Variants in ATXN2 observed in about 807,000 individuals in gnomAD.
The protein encoded by ATXN2 is ataxin 2, also known as ataxin-2.
ATXN2 carries 37 observed loss-of-function variants against 138.6 expected under a neutral mutation model. The ratio of observed to expected loss-of-function variants is 0.27; its 90% CI spans 0.21 to 0.35. ATXN2 has a LOEUF of 0.35. Among genes scored for constraint, ATXN2 ranks in the 10% least tolerant of loss-of-function variants. The pLI is 1.00. For missense variants in ATXN2, 1,216 were observed against 1,480.3 expected (o/e 0.82, Z 2.93); for synonymous variants, 549 against 543.7 (o/e 1.01, Z -0.13).
chr12:111,463,572 C>T (rs892655170), intron 21 of ATXN2, among the ~76,000 whole-genome samples: 3 of 151,918 alleles, frequency 2.0e-5, no homozygotes, highest in African/African-American at 7.2e-5. Flanking sequence ...CCACCACGTC[C>T]GGCCCTTATT....
At chr12:111,540,965 G>A (rs1246538068) in intron 5 of ATXN2, among the ~76,000 whole-genome samples, 1 of 150,272 alleles carries the variant, frequency 6.7e-6, no homozygotes, top group South Asian at 2.1e-4. Context: ...CCAAAGTGCT[G>A]GGATTACAAG....
chr12:111,504,406 C>T (rs116870920), intron 14 of ATXN2, among the ~76,000 whole-genome samples: 2 of 152,170 alleles, frequency 1.3e-5, no homozygotes, highest in Non-Finnish European at 2.9e-5. Context: ...CCTGCCTCAG[C>T]CACTACAGTA....
chr12:111,589,695 G>GC (rs1884549017), intron 1 of ATXN2, among the ~76,000 whole-genome samples: 1 of 151,050 alleles, frequency 6.6e-6, no homozygotes, highest in African/African-American at 2.4e-5. Flanking sequence ...TCATTTGAAC[G>GC]CAAGAGGCAG....
At chr12:111,467,495 T>C (rs1489095954) in intron 20 of ATXN2, among the ~76,000 whole-genome samples, 3 of 151,882 alleles carry the variant, frequency 2.0e-5, no homozygotes, top group Non-Finnish European at 4.4e-5. Flanking sequence ...ACAAAGGGAA[T>C]CTTGATTAAC....
rs1875181716 is a variant in ATXN2 at position 111,457,291 on chromosome 12, G to T, written c.2965C>A (p.Pro989Thr). The T allele has an allele frequency of 6.2e-7, 1 of 1,614,016 alleles. No individual in the cohort carries two copies. The highest frequency in any genetic ancestry group is 8.5e-7 in the Non-Finnish European group (1 of 1,180,026). ...CCAGTGGGGGTAGCTGAAGGCTGAGGGTGTGGAGTATGTGGGTGCAGGGTA... is the reference window on the plus strand; with the variant it reads ...CCAGTGGGGGTAGCTGAAGGCTGAGTGTGTGGAGTATGTGGGTGCAGGGTA... ...NATLHPHTPH[P>T]QPSATPTGQQ... The change falls in exon 22 of 25, where the codon CCT becomes ACT. Residue 989 changes from proline to threonine, a missense_variant. This residue lies in a region of ATXN2 where 490 missense variants were observed against 653.5 expected (regional missense o/e 0.75). Coordinates refer to ENST00000673436, the MANE Select transcript of ATXN2 (RefSeq NM_001372574.1).
chr12:111,461,630 A>G (rs1429594721), intron 21 of ATXN2, among the ~76,000 whole-genome samples: 1 of 152,086 alleles, frequency 6.6e-6, no homozygotes, highest in Non-Finnish European at 1.5e-5. Context: ...AAGAAAATTT[A>G]AAAGCCAAGG....
intron 14 of ATXN2, among the ~76,000 whole-genome samples, chr12:111,493,183 C>A (rs764773927): frequency 6.6e-6 from 1 of 152,040 alleles, no homozygotes; most frequent in Non-Finnish European, 1.5e-5. Context: ...CTTTAGGATG[C>A]CAAGGCGGGC....
intron 5 of ATXN2, among the ~76,000 whole-genome samples, chr12:111,529,668 C>A (rs930198637): frequency 1.3e-5 from 2 of 152,180 alleles, no homozygotes; most frequent in Non-Finnish European, 2.9e-5. Flanking sequence ...TGAACCTCTT[C>A]TGGGTATCCC....
chr12:111,493,418 C>CAAAGAAAAA (rs1878177821), intron 14 of ATXN2, among the ~76,000 whole-genome samples: 1 of 45,646 alleles, frequency 2.2e-5, no homozygotes, highest in African/African-American at 1.0e-4. Context: ...GACTCTGTCT[C>CAAAGAAAAA]AAAAAAAAAA....
chr12:111,586,016 C>T (rs1443683117), intron 1 of ATXN2, among the ~76,000 whole-genome samples: 1 of 151,798 alleles, frequency 6.6e-6, no homozygotes, highest in Admixed American at 6.6e-5. Flanking sequence ...CCTGCCTCAG[C>T]CTCCCAAGTA....
At chr12:111,549,121 G>T (rs1881990333) in intron 5 of ATXN2, among the ~76,000 whole-genome samples, 2 of 152,044 alleles carry the variant, frequency 1.3e-5, no homozygotes, top group Middle Eastern at 3.4e-3. Flanking sequence ...CCTCACCCAG[G>T]CTAATTATAA....
chr12:111,531,886 G>A (rs1042539916), intron 5 of ATXN2, among the ~76,000 whole-genome samples: 2 of 152,072 alleles, frequency 1.3e-5, no homozygotes, highest in African/African-American at 2.4e-5. Flanking sequence ...ACTTAAATTC[G>A]TAAAATACAC....
At chr12:111,554,736 G>T (rs1281999031) in intron 2 of ATXN2, among the ~76,000 whole-genome samples, 1 of 152,198 alleles carries the variant, frequency 6.6e-6, no homozygotes. Flanking sequence ...ATTTTGGTGG[G>T]CAATGAAACT....
rs1161330816 is a variant in ATXN2 at position 111,598,590 on chromosome 12, G to A, written c.251+194C>T. The A allele has an allele frequency of 1.0e-6, 1 of 981,672 alleles. No homozygotes were observed. The highest frequency in any genetic ancestry group is 1.8e-5 in the African/African-American group (1 of 57,138). The allele number at this position is 981,672 out of a possible 1,614,324, so 60.8% of individuals were successfully genotyped here. A position where few individuals can be genotyped will look rare whatever the true frequency, so the allele number is the denominator to read the frequency against. On this transcript the variant is annotated intron_variant, in intron 1 of 24. Coordinates refer to ENST00000673436, the MANE Select transcript of ATXN2 (RefSeq NM_001372574.1). The surrounding 1 kb of genome is among the most constrained non-coding windows in gnomAD (Gnocchi z 4.5). Reference sequence around the variant, plus strand: ...ATGCTGCGGGAGGCTGGACAGGCCTGACAATCCCAGAGGACCCCGGCTGCG... The same window carrying A: ...ATGCTGCGGGAGGCTGGACAGGCCTAACAATCCCAGAGGACCCCGGCTGCG...
rs1203990099 is a variant in ATXN2 at position 111,488,797 on chromosome 12, A to G, written c.1936-17T>C. On this transcript the variant is annotated splice_polypyrimidine_tract_variant and intron_variant, in intron 14 of 24. Transcript: ENST00000673436. ...TGGCTGTAACTAAATAAAGGAAACA[A>G]TTATACTTAAATATCTTAAATAACT... 15 of 1,557,660 alleles carry G rather than the reference A, an allele frequency of 9.6e-6. No individual in the cohort carries two copies. Among genetic ancestry groups the G allele is most frequent in the Non-Finnish European group, 1.1e-5 (13 of 1,142,720 alleles).
intron 1 of ATXN2, among the ~76,000 whole-genome samples, chr12:111,575,675 G>C (rs1265998636): frequency 6.6e-6 from 1 of 152,048 alleles, no homozygotes; most frequent in South Asian, 2.1e-4. Flanking sequence ...GTATTCCCAA[G>C]CCTCACAAGC....
intron 1 of ATXN2, among the ~76,000 whole-genome samples, chr12:111,559,616 A>C (rs1592900633): frequency 6.6e-6 from 1 of 151,518 alleles, no homozygotes; most frequent in East Asian, 2.0e-4. Context: ...TACTAAAAAT[A>C]GAAAAATTAG....
intron 11 of ATXN2, chr12:111,512,620 A>C (rs1382136264): frequency 6.6e-6 from 1 of 152,050 alleles, no homozygotes; most frequent in Non-Finnish European, 1.5e-5. Context: ...ATGCCCGGCT[A>C]ATTTTTTTTG....
intron 10 of ATXN2, among the ~76,000 whole-genome samples, chr12:111,515,745 G>C (rs1879817928): frequency 6.6e-6 from 1 of 152,192 alleles, no homozygotes; most frequent in Admixed American, 6.5e-5. Flanking sequence ...CACCATCCCT[G>C]CTTATGGCCA....
Sources: allele counts gnomAD v4.1 joint callset (sites outside exome capture counted in the v4.1 genomes callset), GRCh38; gene constraint gnomAD v4.1.1; regional missense constraint gnomAD v4.1.1; non-coding constraint Gnocchi (gnomAD v3.1); transcripts MANE v1.5; gene names NCBI Gene and HGNC (gene_info 2026-07-23, HGNC 2026-07-21).